HIBADH: variants seen among roughly 807,000 people sequenced by gnomAD.
HIBADH encodes the protein 3-hydroxyisobutyrate dehydrogenase.
A neutral mutation model predicts 36.1 loss-of-function variants in HIBADH; 25 were observed. The ratio of observed to expected loss-of-function variants is 0.69; its 90% CI spans 0.50 to 0.97. The LOEUF (loss-of-function observed/expected upper bound fraction) is 0.97, where lower values mean the gene tolerates loss of function less well. Ranked by LOEUF, HIBADH falls within the 50% of genes least tolerant of loss-of-function variation. The pLI is 0.00. For missense variants in HIBADH, 421 were observed against 418.0 expected (o/e 1.01, Z -0.06); for synonymous variants, 160 against 149.5 (o/e 1.07, Z -0.51).
At chr7:27,532,858 G>C (rs1784022186) in intron 6 of HIBADH, among the ~76,000 whole-genome samples, 1 of 152,178 alleles carries the variant, frequency 6.6e-6, no homozygotes, top group Non-Finnish European at 1.5e-5. Flanking sequence ...TAGGCTATCA[G>C]TATGCTACTG....
At chr7:27,541,535 G>A (rs1488123033) in intron 5 of HIBADH, among the ~76,000 whole-genome samples, 1 of 152,162 alleles carries the variant, frequency 6.6e-6, no homozygotes. Flanking sequence ...ATGGGTTCAT[G>A]ACTATTCTTT....
At chr7:27,594,226 C>T (rs1268038788) in intron 4 of HIBADH, among the ~76,000 whole-genome samples, 1 of 150,868 alleles carries the variant, frequency 6.6e-6, no homozygotes, top group African/African-American at 2.4e-5. Context: ...TCACTGCAAC[C>T]TCCTCCTCCT....
In HIBADH at chr7:27,662,716, C is replaced by A. The variant is rs901133047; in HGVS notation, c.73G>T (p.Ala25Ser). The change falls in exon 1 of 8, where the codon GCC (alanine) becomes TCC (serine). Residue 25 changes from alanine to serine, a missense_variant. Physicochemically the swap from Ala to Ser is moderately conservative, Grantham distance 99. Transcript: ENST00000265395. ...RYWSRRLRPA[A>S]GSFAAVCSRS... is the part of the protein sequence containing the mutation. ...TCCTTACCCGCTGCAAAGCTGCCGG[C>A]TGCCGGCCGCAGCCGCCGGCTCCAG... is the stretch of plus-strand genomic sequence containing the variant. The A allele has an allele frequency of 2.8e-5, 38 of 1,374,700 alleles. No homozygotes were observed. The highest frequency in any genetic ancestry group is 3.1e-5 in the Non-Finnish European group (33 of 1,058,150). The allele number at this position is 1,374,700 out of a possible 1,614,324, so 85.2% of individuals were successfully genotyped here. A position where few individuals can be genotyped will look rare whatever the true frequency, so the allele number is the denominator to read the frequency against.
At chr7:27,631,803 T>C (rs1048424348) in intron 3 of HIBADH, among the ~76,000 whole-genome samples, 19 of 152,186 alleles carry the variant, frequency 1.2e-4, no homozygotes, top group African/African-American at 4.1e-4. Flanking sequence ...AAGGTCTGAT[T>C]TTTCACAAAA....
chr7:27,658,758 C>T (rs1303243351), intron 1 of HIBADH, among the ~76,000 whole-genome samples: 1 of 152,136 alleles, frequency 6.6e-6, no homozygotes. Flanking sequence ...ATTTTCTATA[C>T]AATGTATGTC....
At chr7:27,585,427 T>C (rs1403200886) in intron 4 of HIBADH, among the ~76,000 whole-genome samples, 1 of 152,108 alleles carries the variant, frequency 6.6e-6, no homozygotes, top group Non-Finnish European at 1.5e-5. Context: ...TTTTGTATCT[T>C]TGCCAATCTG....
rs373175170 is a variant in HIBADH, at chr7:27,661,687, G to GT, written c.91+1010dup. ...AAGATTAGAAAAAATTAATGCCAAG[G>GT]TTTTTTTTGTTATTAATCCTCAGTA... On this transcript the variant is annotated intron_variant, in intron 1 of 7. Transcript: ENST00000265395. Among the ~76,000 whole-genome samples the GT allele has an allele frequency of 7.9e-5, 12 of 150,970 alleles. 1 individual carries two copies. Among genetic ancestry groups the GT allele is most frequent in the Admixed American group, 4.0e-4 (6 of 15,148 alleles).
At chr7:27,547,266 C>T (rs2128184971) in intron 4 of HIBADH, among the ~76,000 whole-genome samples, 1 of 152,334 alleles carries the variant, frequency 6.6e-6, no homozygotes, top group Middle Eastern at 3.4e-3. Context: ...ATACTCATGA[C>T]TGGTATAGTT....
At chr7:27,587,951 A>G (rs533920507) in intron 4 of HIBADH, among the ~76,000 whole-genome samples, 1 of 152,362 alleles carries the variant, frequency 6.6e-6, no homozygotes, top group East Asian at 1.9e-4. Flanking sequence ...ATAGCAGTTT[A>G]GAAGAGAAAG....
chr7:27,537,600 A>G (rs1784087274), intron 6 of HIBADH, among the ~76,000 whole-genome samples: 2 of 152,164 alleles, frequency 1.3e-5, no homozygotes, highest in Admixed American at 6.6e-5. Context: ...AATATAAAAC[A>G]TTCAAAAATT....
At position 27,584,119 on chromosome 7, in the gene HIBADH, A is replaced by G. The variant is rs917122034; in HGVS notation, c.485-41019T>C. Among the ~76,000 whole-genome samples, 6 of 152,078 alleles carry G rather than the reference A, an allele frequency of 3.9e-5. 1 individual carries two copies. In the South Asian group the frequency reaches 1.2e-3, roughly 31 times the overall value. On this transcript the variant is annotated intron_variant, in intron 4 of 7. Transcript: ENST00000265395. ...GAGAGAATTTTAATAACTTTTTCAGATAATTGTGGATATCCTTCTTTTATA... is the reference window on the plus strand; with the variant it reads ...GAGAGAATTTTAATAACTTTTTCAGGTAATTGTGGATATCCTTCTTTTATA...
chr7:27,621,814 C>T (rs190318669), intron 4 of HIBADH, among the ~76,000 whole-genome samples: 17 of 151,688 alleles, frequency 1.1e-4, no homozygotes, highest in Non-Finnish European at 2.4e-4. Flanking sequence ...AACTGAAAAC[C>T]TGTTAAGTAT....
intron 4 of HIBADH, among the ~76,000 whole-genome samples, chr7:27,605,586 CAAAAAAAAAAA>C (rs70994666): frequency 0.029 from 971 of 33,636 alleles, 14 homozygotes; most frequent in African/African-American, 0.11. Context: ...TTTAGACAAG[CAAAAAAAAAAA>C]AAAAAAAAAA....
chr7:27,601,408 TTATTA>T (rs775110967), intron 4 of HIBADH, among the ~76,000 whole-genome samples: 1 of 152,092 alleles, frequency 6.6e-6, no homozygotes, highest in Non-Finnish European at 1.5e-5. Context: ...ATAGTGTATT[TTATTA>T]TGATTGTGCA....
chr7:27,556,200 T>C (rs770977076), intron 4 of HIBADH, among the ~76,000 whole-genome samples: 9 of 152,194 alleles, frequency 5.9e-5, no homozygotes, highest in Non-Finnish European at 1.2e-4. Context: ...TGATACACGA[T>C]AGTCATTCTG....
intron 4 of HIBADH, among the ~76,000 whole-genome samples, chr7:27,592,633 G>A (rs893218924): frequency 2.0e-5 from 3 of 151,768 alleles, no homozygotes; most frequent in East Asian, 3.9e-4. Context: ...AAAAACATGC[G>A]ACAACTTTTC....
chr7:27,626,555 C>A (rs560124538), intron 4 of HIBADH, among the ~76,000 whole-genome samples: 1 of 152,210 alleles, frequency 6.6e-6, no homozygotes, highest in Non-Finnish European at 1.5e-5. Flanking sequence ...ATCTGTTATT[C>A]CATAGGCTAG....
intron 4 of HIBADH, among the ~76,000 whole-genome samples, chr7:27,618,443 C>G (rs1160793358): frequency 6.6e-6 from 1 of 152,202 alleles, no homozygotes; most frequent in Non-Finnish European, 1.5e-5. Flanking sequence ...CCACCATCAC[C>G]AGCCCACGCA....
chr7:27,594,237 G>A (rs972955880), intron 4 of HIBADH, among the ~76,000 whole-genome samples: 3 of 148,824 alleles, frequency 2.0e-5, no homozygotes, highest in Non-Finnish European at 3.0e-5. Context: ...TCCTCCTCCT[G>A]GGTTCAACTG....
Sources: allele counts gnomAD v4.1 joint callset (sites outside exome capture counted in the v4.1 genomes callset), GRCh38; gene constraint gnomAD v4.1.1; transcripts MANE v1.5; gene names NCBI Gene and HGNC (gene_info 2026-07-23, HGNC 2026-07-21).